The following SPATC1 variants were observed in gnomAD, a reference collection of about 807,000 sequenced individuals.
SPATC1 encodes spermatogenesis and centriole associated 1.
In SPATC1, 35 loss-of-function variants were observed where a neutral mutation model predicts 36.5. That is an observed-to-expected ratio of 0.96 (90% CI 0.73 to 1.27). The LOEUF (loss-of-function observed/expected upper bound fraction) is 1.27. Among genes scored for constraint, SPATC1 ranks in the 50% most tolerant of loss-of-function variants. The pLI is 0.00. For synonymous variants in SPATC1, 361 were observed against 353.6 expected (o/e 1.02, Z -0.24); for missense variants, 779 against 796.0 (o/e 0.98, Z 0.26).
intron 1 of SPATC1, among the ~76,000 whole-genome samples, chr8:144,018,715 G>A (rs1006676590): frequency 6.6e-6 from 1 of 151,804 alleles, no homozygotes; most frequent in Admixed American, 6.6e-5. Flanking sequence ...AGCAAGGATG[G>A]AGCGGGGAAG....
chr8:144,014,745 C>T (rs1333591233), intron 1 of SPATC1, among the ~76,000 whole-genome samples: 1 of 152,176 alleles, frequency 6.6e-6, no homozygotes, highest in Non-Finnish European at 1.5e-5. Context: ...AAGTGTCTGG[C>T]CCCAGGGATT....
intron 1 of SPATC1, among the ~76,000 whole-genome samples, chr8:144,021,291 C>T (rs1238251787): frequency 0.28 from 5,432 of 19,100 alleles, 207 homozygotes; most frequent in East Asian, 0.39. Flanking sequence ...GGTCCCTCTC[C>T]CCTCAGGACC....
chr8:144,027,845 T>G (rs1453859537), intron 1 of SPATC1, among the ~76,000 whole-genome samples: 3 of 151,884 alleles, frequency 2.0e-5, no homozygotes, highest in Non-Finnish European at 4.4e-5. Context: ...ATACAAAAAT[T>G]AACCGGGCGT....
Position 144,045,083 on chromosome 8 carries a change from G to C in SPATC1, c.1447-1544G>C, listed in dbSNP as rs186073344. On this transcript the variant is annotated intron_variant, in intron 4 of 4. Coordinates refer to ENST00000377470, the MANE Select transcript of SPATC1 (RefSeq NM_198572.3). This position sits in a 1 kb window ranked among gnomAD's most constrained non-coding sequence, Gnocchi z 5.2. The stretch of plus-strand genomic sequence containing the variant: ...TGCCTGTAACCCCCAGTACACTCCT[G>C]CAGGAGGCACTGTGATTTCCTTCCC... Among the ~76,000 whole-genome samples, 535 of 152,346 alleles carry C rather than the reference G, an allele frequency of 3.5e-3. 6 individuals are homozygous for C. The highest frequency in any genetic ancestry group is 0.012 in the African/African-American group (487 of 41,584).
chr8:144,014,438 A>C (rs577253647), intron 1 of SPATC1, among the ~76,000 whole-genome samples: 1 of 151,614 alleles, frequency 6.6e-6, no homozygotes, highest in South Asian at 2.1e-4. Flanking sequence ...GAAAGAAGGA[A>C]GAAGAAGAAG....
chr8:144,040,562 C>T lies in SPATC1; in HGVS notation c.767-6C>T, dbSNP rs781985103. 1 of 1,582,242 alleles carries T rather than the reference C, an allele frequency of 6.3e-7. No homozygotes were observed. Among genetic ancestry groups the T allele is most frequent in the Non-Finnish European group, 8.6e-7 (1 of 1,164,618 alleles). ...TTTTTTATTTCTGTTCCCTCCACATCACTAGTCCCACTCTCCACTGAGCCC... is the reference window on the plus strand; with the variant it reads ...TTTTTTATTTCTGTTCCCTCCACATTACTAGTCCCACTCTCCACTGAGCCC... On this transcript the variant is annotated splice_region_variant and splice_polypyrimidine_tract_variant and intron_variant, in intron 2 of 4. Transcript: ENST00000377470.
At position 144,046,802 on chromosome 8, in the gene SPATC1, T is replaced by C. The variant is rs1264086371; in HGVS notation, c.1622T>C (p.Leu541Pro). The change falls in exon 5 of 5, where the codon CTG (leucine) becomes CCG (proline). Residue 541 changes from leucine to proline, a missense_variant. Transcript: ENST00000377470. This position sits in a 1 kb window ranked among gnomAD's most constrained non-coding sequence, Gnocchi z 6.6. ...AYGILRERPE[L>P]AASEGGPYTV... ...GGCATCCTGCGAGAGCGCCCGGAGCTGGCGGCGTCTGAGGGCGGCCCCTAC... is the reference window on the plus strand; with the variant it reads ...GGCATCCTGCGAGAGCGCCCGGAGCCGGCGGCGTCTGAGGGCGGCCCCTAC... The C allele has an allele frequency of 5.6e-6, 9 of 1,606,756 alleles. No homozygotes were observed. The highest frequency in any genetic ancestry group is 7.6e-6 in the Non-Finnish European group (9 of 1,179,930).
At chr8:144,013,248 C>G (rs1363175344) in intron 1 of SPATC1, among the ~76,000 whole-genome samples, 1 of 152,126 alleles carries the variant, frequency 6.6e-6, no homozygotes, top group African/African-American at 2.4e-5. Context: ...GCCATCTTGT[C>G]CATCCCTCTG....
At position 144,040,907 on chromosome 8, in the gene SPATC1, A is replaced by C; in HGVS notation, c.1106A>C (p.His369Pro). 6.4e-7 allele frequency: 1 copy of C among 1,573,764 alleles called. No homozygotes were observed. The highest frequency in any genetic ancestry group is 1.8e-5 in the Admixed American group (1 of 56,578). ...QGAPHPPSRM[H>P]NSPTQNLPVP... is the part of the protein sequence containing the mutation. ...GCCCCCCATCCCCCTTCCCGAATGCATAATTCCCCAACCCAGAACCTGCCT... is the reference window on the plus strand; with the variant it reads ...GCCCCCCATCCCCCTTCCCGAATGCCTAATTCCCCAACCCAGAACCTGCCT... Residue 369 changes from histidine to proline, a missense_variant, in exon 3 of 5, where the codon CAT (histidine) becomes CCT (proline). His to Pro is a moderately conservative substitution (Grantham distance 77). Coordinates refer to ENST00000377470, the MANE Select transcript of SPATC1 (RefSeq NM_198572.3).
chr8:144,014,951 C>A (rs1834353040), intron 1 of SPATC1, among the ~76,000 whole-genome samples: 1 of 152,148 alleles, frequency 6.6e-6, no homozygotes, highest in South Asian at 2.1e-4. Flanking sequence ...GTGCATGATG[C>A]TGACTCTGGG....
chr8:144,040,636 G>C lies in SPATC1; in HGVS notation c.835G>C (p.Ala279Pro). The change falls in exon 3 of 5, where the codon GCA becomes CCA. Residue 279 changes from alanine to proline, a missense_variant. By Grantham distance (27) the Ala-to-Pro change is conservative. Coordinates refer to ENST00000377470, the MANE Select transcript of SPATC1 (RefSeq NM_198572.3). The part of the protein sequence containing the change: ...PEPLSMAFAG[A>P]PLQTSTPIGA... ...GCCTCTCAGCATGGCGTTTGCAGGA[G>C]CACCCCTCCAGACCTCCACCCCTAT... 6.2e-7 allele frequency: 1 copy of C among 1,612,764 alleles called. No individual in the cohort carries two copies. Among genetic ancestry groups the C allele is most frequent in the Non-Finnish European group, 8.5e-7 (1 of 1,179,480 alleles).
At chr8:144,038,125 CA>C (rs369259902) in intron 1 of SPATC1, among the ~76,000 whole-genome samples, 1,723 of 100,700 alleles carry the variant, frequency 0.017, 8 homozygotes, top group Non-Finnish European at 0.022. Flanking sequence ...GACTCTGTCT[CA>C]AAAAAAAAAA....
At chr8:144,012,199 A>G (rs1390102029), upstream of SPATC1, among the ~76,000 whole-genome samples, 1 of 152,202 alleles carries the variant, frequency 6.6e-6, no homozygotes, top group African/African-American at 2.4e-5. Flanking sequence ...GCGGGCAGCA[A>G]TTAACTTGCG....
At chr8:144,037,338 C>A (rs1249939003) in intron 1 of SPATC1, among the ~76,000 whole-genome samples, 2 of 151,584 alleles carry the variant, frequency 1.3e-5, no homozygotes, top group African/African-American at 4.8e-5. Flanking sequence ...TCATTGAGAA[C>A]GGGCCATGAT....
At chr8:144,038,343 G>C (rs1304021028) in intron 1 of SPATC1, among the ~76,000 whole-genome samples, 1 of 143,980 alleles carries the variant, frequency 6.9e-6, no homozygotes, top group Non-Finnish European at 1.5e-5. Flanking sequence ...TGGAGCAGGA[G>C]AATCGCTTGA....
At position 144,046,732 on chromosome 8, in the gene SPATC1, G is replaced by A. The variant is rs376966627; in HGVS notation, c.1552G>A (p.Gly518Arg). Residue 518 changes from glycine to arginine, a missense_variant, in exon 5 of 5, where the codon GGG becomes AGG. Gly to Arg is a moderately radical substitution (Grantham distance 125). Transcript: ENST00000377470. This position sits in a 1 kb window ranked among gnomAD's most constrained non-coding sequence, Gnocchi z 6.6. ...MNRLQSLGYN[G>R]RVHPALTEQL... ...CAGGCTGCAGAGTCTGGGCTACAAC[G>A]GGCGGGTGCACCCTGCGCTGACCGA... 21 of 1,612,310 alleles carry A rather than the reference G, an allele frequency of 1.3e-5. No homozygotes were observed. The highest frequency in any genetic ancestry group is 5.3e-5 in the African/African-American group (4 of 74,914).
chr8:144,020,688 C>CT (rs1834501049), intron 1 of SPATC1, among the ~76,000 whole-genome samples: 1 of 17,706 alleles, frequency 5.6e-5, no homozygotes. Context: ...CCCTCGCACC[C>CT]CTCTTCCCTC....
Position 144,046,903 on chromosome 8 carries a change from T to A in SPATC1, c.1723T>A (p.Ser575Thr). 3 of 1,599,130 alleles carry A rather than the reference T, an allele frequency of 1.9e-6. No homozygotes were observed. Among genetic ancestry groups the A allele is most frequent in the Non-Finnish European group, 2.5e-6 (3 of 1,179,704 alleles). ...GMLADALLLLSCLSQLAHDDG... is the reference protein window; with the variant it reads ...GMLADALLLLTCLSQLAHDDG... ...GCTCGCCGACGCGCTGCTGCTGCTCTCCTGCCTCAGCCAGCTGGCGCACGA... is the reference window on the plus strand; with the variant it reads ...GCTCGCCGACGCGCTGCTGCTGCTCACCTGCCTCAGCCAGCTGGCGCACGA... The change falls in exon 5 of 5, where the codon TCC becomes ACC. Residue 575 changes from serine to threonine, a missense_variant. Physicochemically the swap from Ser to Thr is moderately conservative, Grantham distance 58 (BLOSUM62 1). Transcript: ENST00000377470. The surrounding 1 kb of genome is among the most constrained non-coding windows in gnomAD (Gnocchi z 6.6).
intron 1 of SPATC1, among the ~76,000 whole-genome samples, chr8:144,020,869 T>C (rs1275717382): frequency 2.5e-5 from 3 of 118,476 alleles, no homozygotes; most frequent in Non-Finnish European, 5.5e-5. Flanking sequence ...CTCAAAACTC[T>C]CTTCCCTCAG....
Sources: gnomAD v4.1 joint callset for allele counts (sites outside exome capture counted in the v4.1 genomes callset) on GRCh38, gnomAD v4.1.1 for gene constraint, Gnocchi (gnomAD v3.1) non-coding constraint, MANE v1.5 for transcripts, NCBI Gene and HGNC (gene_info 2026-07-23, HGNC 2026-07-21) for gene names.